The following LYPLAL1 variants were observed in gnomAD, a reference collection of about 807,000 sequenced individuals.
LYPLAL1 encodes lysophospholipase like 1.
LYPLAL1 carries 23 observed loss-of-function variants against 19.7 expected under a neutral mutation model. The ratio of observed to expected loss-of-function variants is 1.17; its 90% CI spans 0.84 to 1.65. The LOEUF is 1.65. LYPLAL1 is among the 40% of genes most tolerant of loss of function. LYPLAL1 has a pLI of 0.00. For synonymous variants in LYPLAL1, 119 were observed against 96.3 expected (o/e 1.24, Z -1.38); for missense variants, 355 against 279.4 (o/e 1.27, Z -1.93).
At chr1:219,439,959 C>CTATATATATATACATA in the LYPLAL1 span, among the ~76,000 whole-genome samples, 24 of 131,626 alleles carry the variant, frequency 1.8e-4, no homozygotes, top group African/African-American at 4.5e-4. Flanking sequence ...ACAAAACTGA[C>CTATATATATATACATA]TATATATATA....
In LYPLAL1 at chr1:219,193,212, G is replaced by A. The variant is rs924948068; in HGVS notation, c.322G>A (p.Glu108Lys). The A allele has an allele frequency of 5.0e-6, 8 of 1,610,346 alleles. No homozygotes were observed. The highest frequency in any genetic ancestry group is 6.8e-6 in the Non-Finnish European group (8 of 1,177,640). Reference protein sequence around the residue: ...CQVLTDLIDEEVKSGIKKNRI... With the variant: ...CQVLTDLIDEKVKSGIKKNRI... Reference sequence around the variant, plus strand: ...AGTGCTTACTGATTTGATTGATGAAGAAGTAAAAAGTGGCATCAAGAAGAA... The same window carrying A: ...AGTGCTTACTGATTTGATTGATGAAAAAGTAAAAAGTGGCATCAAGAAGAA... The change falls in exon 3 of 5, where the codon GAA becomes AAA. Residue 108 changes from glutamate (E) to lysine (K), a missense_variant. Physicochemically the swap from Glu to Lys is moderately conservative, Grantham distance 56. Coordinates refer to ENST00000366928, the MANE Select transcript of LYPLAL1 (RefSeq NM_138794.5).
At chr1:219,352,155 A>G in the LYPLAL1 span, among the ~76,000 whole-genome samples, 2 of 152,264 alleles carry the variant, frequency 1.3e-5, no homozygotes, top group African/African-American at 2.4e-5. Flanking sequence ...GGCTGACTCT[A>G]TCATTTCCAA....
chr1:219,194,785 A>G (rs1047268315), intron 3 of LYPLAL1, among the ~76,000 whole-genome samples: 1 of 152,126 alleles, frequency 6.6e-6, no homozygotes, highest in Admixed American at 6.6e-5. Flanking sequence ...AAGATTTAAT[A>G]GAAAGATGGC....
the LYPLAL1 span, among the ~76,000 whole-genome samples, chr1:219,299,536 C>A: frequency 6.6e-6 from 1 of 151,548 alleles, no homozygotes; most frequent in African/African-American, 2.4e-5. Flanking sequence ...TTGAGTCATC[C>A]CCATTGGACA....
rs747113140 is a variant in LYPLAL1 at position 219,173,912 on chromosome 1, G to A, written c.22G>A (p.Val8Ile). MAAASGS[V>I]LQRCIVSPAG... ...AGCGATGGCGGCTGCGTCGGGGTCG[G>A]TTCTGCAGCGCTGTATCGTGTCGCC... Residue 8 changes from valine (V) to isoleucine (I), a missense_variant, in exon 1 of 5, where the codon GTT becomes ATT. Physicochemically the swap from Val to Ile is conservative, Grantham distance 29. Transcript: ENST00000366928. The A allele has an allele frequency of 1.2e-6, 2 of 1,613,466 alleles. No homozygotes were observed. Among genetic ancestry groups the A allele is most frequent in the East Asian group, 2.2e-5 (1 of 44,864 alleles).
At chr1:219,262,707 G>A in the LYPLAL1 span, among the ~76,000 whole-genome samples, 2 of 152,214 alleles carry the variant, frequency 1.3e-5, no homozygotes, top group African/African-American at 4.8e-5. Flanking sequence ...TCTCCCAGCT[G>A]TGGATACCAG....
At chr1:219,176,527 A>G (rs1355558371) in intron 1 of LYPLAL1, among the ~76,000 whole-genome samples, 3 of 152,296 alleles carry the variant, frequency 2.0e-5, no homozygotes, top group Non-Finnish European at 4.4e-5. Context: ...TGTCATCTGC[A>G]TTCAGCTTTC....
the LYPLAL1 span, among the ~76,000 whole-genome samples, chr1:219,415,208 A>G: frequency 6.6e-6 from 1 of 152,292 alleles, no homozygotes; most frequent in East Asian, 1.9e-4. Context: ...CAAAAGAGAA[A>G]AACAATAATA....
the LYPLAL1 span, among the ~76,000 whole-genome samples, chr1:219,250,430 G>T: frequency 6.6e-6 from 1 of 151,970 alleles, no homozygotes; most frequent in Non-Finnish European, 1.5e-5. Context: ...AGGCCTTGTG[G>T]CATAAGTCTT....
downstream of LYPLAL1, among the ~76,000 whole-genome samples, chr1:219,215,025 G>GA (rs946902541): frequency 6.6e-6 from 1 of 151,896 alleles, no homozygotes; most frequent in African/African-American, 2.4e-5. Flanking sequence ...TATATAATGA[G>GA]AAAAAATCTT....
intron 2 of LYPLAL1, among the ~76,000 whole-genome samples, chr1:219,179,741 T>C (rs1656117959): frequency 6.6e-6 from 1 of 152,252 alleles, no homozygotes; most frequent in Non-Finnish European, 1.5e-5. Flanking sequence ...TAGAATTGAC[T>C]ACTTAATAAA....
the LYPLAL1 span, among the ~76,000 whole-genome samples, chr1:219,328,874 G>C: frequency 1.3e-5 from 2 of 151,968 alleles, no homozygotes; most frequent in Non-Finnish European, 2.9e-5. Flanking sequence ...TGCAAAACTA[G>C]TTCTATGTTT....
the LYPLAL1 span, among the ~76,000 whole-genome samples, chr1:219,331,741 C>G: frequency 6.6e-6 from 1 of 152,126 alleles, no homozygotes; most frequent in Admixed American, 6.6e-5. Flanking sequence ...ATCACACTGT[C>G]AAATGTCAAG....
At chr1:219,341,351 A>G in the LYPLAL1 span, among the ~76,000 whole-genome samples, 2 of 152,114 alleles carry the variant, frequency 1.3e-5, no homozygotes, top group East Asian at 3.9e-4. Context: ...CTTGCAGTAT[A>G]CCCACATGCA....
At chr1:219,396,313 A>G in the LYPLAL1 span, among the ~76,000 whole-genome samples, 1 of 152,088 alleles carries the variant, frequency 6.6e-6, no homozygotes, top group South Asian at 2.1e-4. Flanking sequence ...TTGTACCAGT[A>G]TCATGCTGGT....
chr1:219,251,607 G>A, the LYPLAL1 span, among the ~76,000 whole-genome samples: 4 of 151,424 alleles, frequency 2.6e-5, no homozygotes, highest in African/African-American at 4.8e-5. Context: ...GCCTTATTTC[G>A]GGGCTCTCTA....
At chr1:219,282,596 G>A in the LYPLAL1 span, among the ~76,000 whole-genome samples, 1 of 151,888 alleles carries the variant, frequency 6.6e-6, no homozygotes, top group African/African-American at 2.4e-5. Context: ...CAAAGGGGAG[G>A]GGGATAACAC....
chr1:219,433,720 G>T, the LYPLAL1 span, among the ~76,000 whole-genome samples: 1 of 152,178 alleles, frequency 6.6e-6, no homozygotes, highest in Non-Finnish European at 1.5e-5. Context: ...CAGTTTCCAG[G>T]GTCTAGCTAC....
At chr1:219,350,179 C>T in the LYPLAL1 span, among the ~76,000 whole-genome samples, 3 of 152,168 alleles carry the variant, frequency 2.0e-5, no homozygotes, top group African/African-American at 7.2e-5. Context: ...TTTTTTATAG[C>T]ATCAGATGCT....
Sources: allele counts gnomAD v4.1 joint callset (sites outside exome capture counted in the v4.1 genomes callset), GRCh38; gene constraint gnomAD v4.1.1; transcripts MANE v1.5; gene names NCBI Gene and HGNC (gene_info 2026-07-23, HGNC 2026-07-21).